The following BACH2 variants were observed in gnomAD, a reference collection of about 807,000 sequenced individuals.
BACH2 encodes the protein transcription regulator protein BACH2.
BACH2 carries 5 observed loss-of-function variants against 61.8 expected under a neutral mutation model. The ratio of observed to expected loss-of-function variants is 0.08; its 90% confidence interval spans 0.04 to 0.17. The LOEUF (loss-of-function observed/expected upper bound fraction) is 0.17. BACH2 is among the 10% of genes least tolerant of loss of function. BACH2 has a pLI of 1.00. For missense variants in BACH2, 824 were observed against 1,091.1 expected, an observed-to-expected ratio of 0.76 and a Z score of 3.45; for synonymous variants, 446 against 440.1, an observed-to-expected ratio of 1.01 and a Z score of -0.17.
intron 4 of BACH2, among the ~76,000 whole-genome samples, chr6:90,173,934 C>T (rs943223588): frequency 5.3e-5 from 8 of 152,148 alleles, no homozygotes; most frequent in Non-Finnish European, 5.9e-5. Context: ...GGGGGAAGAA[C>T]TGCGTAGGCA....
chr6:90,042,081 C>A (rs1414194892), intron 5 of BACH2, among the ~76,000 whole-genome samples: 1 of 152,158 alleles, frequency 6.6e-6, no homozygotes, highest in Non-Finnish European at 1.5e-5. Flanking sequence ...CAGATACTTA[C>A]CTAAACATTG....
intron 6 of BACH2, among the ~76,000 whole-genome samples, chr6:89,960,943 G>A (rs905896249): frequency 1.3e-5 from 2 of 152,202 alleles, no homozygotes; most frequent in Admixed American, 1.3e-4. Flanking sequence ...GATGGGAACA[G>A]GAGAAGGTCC....
At chr6:90,250,264 T>C (rs1770763947) in intron 3 of BACH2, among the ~76,000 whole-genome samples, 1 of 147,362 alleles carries the variant, frequency 6.8e-6, no homozygotes, top group South Asian at 2.2e-4. Context: ...TCCTCTTTCC[T>C]TTTGCAATCT....
chr6:90,019,326 TTAATGAAACATG>T (rs1460920971), intron 5 of BACH2, among the ~76,000 whole-genome samples: 2 of 152,146 alleles, frequency 1.3e-5, no homozygotes, highest in African/African-American at 4.8e-5. Context: ...CATAAATTCT[TTAATGAAACATG>T]AAATGAAAGA....
chr6:90,176,320 C>G (rs1442519929), intron 4 of BACH2, among the ~76,000 whole-genome samples: 1 of 152,052 alleles, frequency 6.6e-6, no homozygotes. Flanking sequence ...AAGGAGGGAG[C>G]AAATTTACAG....
chr6:90,081,385 T>C (rs1436146965), intron 5 of BACH2, among the ~76,000 whole-genome samples: 1 of 152,140 alleles, frequency 6.6e-6, no homozygotes, highest in Non-Finnish European at 1.5e-5. Context: ...CAAAGGAGGA[T>C]CAAAGTACTG....
chr6:90,166,676 C>G (rs926711210), intron 4 of BACH2, among the ~76,000 whole-genome samples: 4 of 152,098 alleles, frequency 2.6e-5, no homozygotes, highest in Non-Finnish European at 5.9e-5. Context: ...CAACGATAGA[C>G]TGGATTAAGA....
chr6:90,135,341 G>A (rs1356038257), intron 4 of BACH2, among the ~76,000 whole-genome samples: 1 of 152,152 alleles, frequency 6.6e-6, no homozygotes, highest in Non-Finnish European at 1.5e-5. Flanking sequence ...AGATTATGAT[G>A]CTTCTGCACC....
chr6:90,029,531 T>C (rs954840383), intron 5 of BACH2, among the ~76,000 whole-genome samples: 1 of 152,172 alleles, frequency 6.6e-6, no homozygotes, highest in Non-Finnish European at 1.5e-5. Context: ...CGTTTTCACA[T>C]CTCACACACA....
At chr6:90,059,726 A>C (rs1562410030) in intron 5 of BACH2, among the ~76,000 whole-genome samples, 1 of 152,142 alleles carries the variant, frequency 6.6e-6, no homozygotes, top group Non-Finnish European at 1.5e-5. Flanking sequence ...GTACCAACCC[A>C]AATGTCCAAC....
chr6:90,171,846 A>G (rs547345354), intron 4 of BACH2, among the ~76,000 whole-genome samples: 155 of 152,304 alleles, frequency 1.0e-3, no homozygotes, highest in African/African-American at 3.5e-3. Flanking sequence ...AGAAACAGCC[A>G]AAAATAACTT....
At chr6:90,296,235 G>C (rs1348128041) in intron 1 of BACH2, among the ~76,000 whole-genome samples, 1 of 152,088 alleles carries the variant, frequency 6.6e-6, no homozygotes, top group Non-Finnish European at 1.5e-5. Context: ...AAACAGCCGG[G>C]AGGGAGAGCA....
intron 6 of BACH2, among the ~76,000 whole-genome samples, chr6:89,966,640 C>A (rs1775063136): frequency 1.3e-5 from 2 of 152,178 alleles, no homozygotes; most frequent in Non-Finnish European, 2.9e-5. Flanking sequence ...TATGTTATTC[C>A]TGTCTGTCAA....
chr6:90,219,785 T>C (rs1019194535), intron 3 of BACH2, among the ~76,000 whole-genome samples: 59 of 148,734 alleles, frequency 4.0e-4, no homozygotes, highest in African/African-American at 1.4e-3. Flanking sequence ...TTAAAACACA[T>C]ACACACACAC....
At position 89,950,024 on chromosome 6, in the gene BACH2, G is replaced by T; in HGVS notation, c.1836+246C>A. The T allele has an allele frequency of 1.8e-6, 1 of 565,000 alleles. No homozygotes were observed. Among genetic ancestry groups the T allele is most frequent in the Non-Finnish European group, 3.2e-6 (1 of 314,724 alleles). The allele number at this position is 565,000 out of a possible 1,614,324, so 35.0% of individuals were successfully genotyped here. A position where few individuals can be genotyped will look rare whatever the true frequency, so the allele number is the denominator to read the frequency against. On this transcript the variant is annotated intron_variant, in intron 7 of 8. Transcript: ENST00000257749. The surrounding 1 kb of genome is among the most constrained non-coding windows in gnomAD (Gnocchi z 5.3). ...TTAGACTTCAGTATATTTTTACTCA[G>T]CAGCTTGCCTCTGCTTGTCGAGTAT... is the stretch of plus-strand genomic sequence containing the variant.
Position 89,927,972 on chromosome 6 carries a change from G to A in BACH2, c.*4436C>T, listed in dbSNP as rs976213925. The A allele has an allele frequency of 2.0e-5, 3 of 152,326 alleles. No individual in the cohort carries two copies. The highest frequency in any genetic ancestry group is 4.8e-5 in the African/African-American group (2 of 41,434). 9.4% of individuals were successfully genotyped at this position (152,326 alleles called of 1,614,324 possible). On this transcript the variant is annotated 3_prime_UTR_variant, in exon 9 of 9. Coordinates refer to ENST00000257749, the MANE Select transcript of BACH2 (RefSeq NM_021813.4). ...TAAACATACACTTTCAACACACAAT[G>A]CCTCGTGCACACAGATTTCCTGTAT...
intron 6 of BACH2, among the ~76,000 whole-genome samples, chr6:89,987,498 C>T (rs1334945995): frequency 6.6e-6 from 1 of 152,028 alleles, no homozygotes; most frequent in Non-Finnish European, 1.5e-5. Context: ...CTCATGGGCA[C>T]CCTATAAGAG....
chr6:90,080,916 G>T (rs967110996), intron 5 of BACH2: 2 of 304,142 alleles, frequency 6.6e-6, no homozygotes, highest in Non-Finnish European at 9.6e-6. Context: ...GTCCACTATC[G>T]CCAGAACTTC....
intron 5 of BACH2, among the ~76,000 whole-genome samples, chr6:90,018,667 CT>C (rs1245565569): frequency 6.6e-6 from 1 of 152,164 alleles, no homozygotes; most frequent in Non-Finnish European, 1.5e-5. Context: ...ATAGTATAAA[CT>C]TTGCTCTGCT....
Sources: allele counts gnomAD v4.1 joint callset (sites outside exome capture counted in the v4.1 genomes callset), GRCh38; gene constraint gnomAD v4.1.1; non-coding constraint Gnocchi (gnomAD v3.1); transcripts MANE v1.5; gene names NCBI Gene and HGNC (gene_info 2026-07-23, HGNC 2026-07-21).